Variants in FOXN3 observed in about 807,000 individuals in gnomAD.
The protein encoded by FOXN3 is forkhead box protein N3.
In FOXN3, 7 loss-of-function variants were observed where a neutral mutation model predicts 38.4. The observed-to-expected ratio is 0.18, with a 90% confidence interval of 0.10 to 0.34. The LOEUF is 0.34. Ranked by LOEUF, FOXN3 falls within the 10% of genes least tolerant of loss-of-function variation. FOXN3 has a pLI of 1.00. For missense variants in FOXN3, 456 were observed against 613.4 expected, an observed-to-expected ratio of 0.74 and a Z score of 2.71; for synonymous variants, 230 against 242.2, an observed-to-expected ratio of 0.95 and a Z score of 0.47.
At chr14:89,596,887 A>AT (rs1312090840) in intron 1 of FOXN3, among the ~76,000 whole-genome samples, 1 of 151,662 alleles carries the variant, frequency 6.6e-6, no homozygotes, top group Non-Finnish European at 1.5e-5. Context: ...TGTTGGTGCT[A>AT]TTTTTTCTTG....
At chr14:89,464,491 G>T (rs1189625421) in intron 1 of FOXN3, among the ~76,000 whole-genome samples, 1 of 152,156 alleles carries the variant, frequency 6.6e-6, no homozygotes, top group African/African-American at 2.4e-5. Context: ...CCTTTGCTGA[G>T]AAAGCTTCCT....
rs941342244 is a variant in FOXN3, at chr14:89,203,587, T to C, written c.746-22781A>G. Among the ~76,000 whole-genome samples the C allele has an allele frequency of 3.9e-5, 6 of 152,152 alleles. No homozygotes were observed. In the East Asian group the frequency reaches 1.2e-3, roughly 29 times the overall value. ...TGACCAGGCTGCCCCACTGGAGTCA[T>C]GCGCTGAGCGGGCAGAGTGTTTAAG... On this transcript the variant is annotated intron_variant, in intron 4 of 5. Coordinates refer to ENST00000557258, the MANE Select transcript of FOXN3 (RefSeq NM_005197.4).
chr14:89,227,968 G>A (rs1884694799), intron 4 of FOXN3, among the ~76,000 whole-genome samples: 1 of 152,120 alleles, frequency 6.6e-6, no homozygotes, highest in African/African-American at 2.4e-5. Context: ...TTGAACTCCG[G>A]GCCTCAAGCA....
At chr14:89,306,662 C>T (rs1001197386) in intron 3 of FOXN3, among the ~76,000 whole-genome samples, 7 of 152,170 alleles carry the variant, frequency 4.6e-5, no homozygotes, top group East Asian at 1.9e-4. Context: ...CCACCGCGCC[C>T]GGCCCATTTT....
rs556321543 is a variant in FOXN3 at position 89,288,452 on chromosome 14, T to A, written c.681-7438A>T. On this transcript the variant is annotated intron_variant, in intron 3 of 5. Coordinates refer to ENST00000557258, the MANE Select transcript of FOXN3 (RefSeq NM_005197.4). ...GGCAGCTGCTCTGGCACCATATCTA[T>A]CGAGCTATTTTATTTTACTTTTAAA... Among the ~76,000 whole-genome samples, 75 of 152,272 alleles carry A rather than the reference T, an allele frequency of 4.9e-4. 1 individual carries two copies. Among genetic ancestry groups the A allele is most frequent in the African/African-American group, 1.7e-3 (71 of 41,556 alleles).
intron 1 of FOXN3, among the ~76,000 whole-genome samples, chr14:89,438,967 C>T (rs938062027): frequency 6.6e-6 from 1 of 152,002 alleles, no homozygotes; most frequent in Non-Finnish European, 1.5e-5. Context: ...CCATGTTGGT[C>T]GGCTGGTTTC....
intron 1 of FOXN3, among the ~76,000 whole-genome samples, chr14:89,495,851 C>T (rs1417068700): frequency 6.6e-6 from 1 of 152,170 alleles, no homozygotes; most frequent in Non-Finnish European, 1.5e-5. Context: ...AGCAACTGGT[C>T]CTAGGCCACA....
intron 1 of FOXN3, among the ~76,000 whole-genome samples, chr14:89,547,030 C>G (rs1048816271): frequency 6.6e-6 from 1 of 151,756 alleles, no homozygotes; most frequent in Non-Finnish European, 1.5e-5. Flanking sequence ...AGCGATCCAC[C>G]CGCCGCAGCC....
At chr14:89,257,830 G>A (rs185690743) in intron 4 of FOXN3, among the ~76,000 whole-genome samples, 149 of 152,250 alleles carry the variant, frequency 9.8e-4, no homozygotes, top group African/African-American at 2.0e-3. Flanking sequence ...CTTGGTCCTC[G>A]ATGTCCCGTG....
chr14:89,228,285 A>G (rs1884702621), intron 4 of FOXN3, among the ~76,000 whole-genome samples: 1 of 152,218 alleles, frequency 6.6e-6, no homozygotes, highest in South Asian at 2.1e-4. Flanking sequence ...ATTTGATTTT[A>G]GGGATTTGTC....
intron 1 of FOXN3, among the ~76,000 whole-genome samples, chr14:89,582,590 T>C (rs11626777): frequency 0.51 from 75,896 of 150,202 alleles, 21,063 homozygotes; most frequent in Middle Eastern, 0.67. Context: ...CCCGGGTTCA[T>C]GCCATTCTCC....
chr14:89,404,065 A>T (rs2140090218), intron 2 of FOXN3, among the ~76,000 whole-genome samples: 1 of 152,278 alleles, frequency 6.6e-6, no homozygotes. Flanking sequence ...TTCTTTTAGC[A>T]CTTAGTAGGT....
At chr14:89,523,036 A>G (rs1211106343) in intron 1 of FOXN3, among the ~76,000 whole-genome samples, 2 of 152,162 alleles carry the variant, frequency 1.3e-5, no homozygotes, top group Non-Finnish European at 2.9e-5. Flanking sequence ...GAAATATCAC[A>G]CTAATATAAA....
Position 89,266,413 on chromosome 14 carries a change from G to A in FOXN3, c.745+14537C>T, listed in dbSNP as rs866753569. On this transcript the variant is annotated intron_variant, in intron 4 of 5. Coordinates refer to ENST00000557258, the MANE Select transcript of FOXN3 (RefSeq NM_005197.4). ...ATTTCATCTTAATTACCTCTTTAAC[G>A]GCTCTATCTCCAAATTCAGTCACAT... 5.5e-4 allele frequency among the ~76,000 whole-genome samples: 84 copies of A among 152,022 alleles called. 1 individual carries two copies. The highest frequency in any genetic ancestry group is 1.9e-3 in the African/African-American group (77 of 41,346).
chr14:89,382,603 G>A (rs1890679090), intron 2 of FOXN3, among the ~76,000 whole-genome samples: 1 of 152,168 alleles, frequency 6.6e-6, no homozygotes, highest in Non-Finnish European at 1.5e-5. Flanking sequence ...AAGCACGTGG[G>A]TTTGGGAATA....
intron 2 of FOXN3, among the ~76,000 whole-genome samples, chr14:89,376,859 C>T (rs1037976224): frequency 4.0e-5 from 6 of 151,226 alleles, no homozygotes; most frequent in Non-Finnish European, 8.9e-5. Context: ...ACTAAAAATA[C>T]AAAAATTAGG....
chr14:89,366,260 G>GAAA (rs57036897), intron 2 of FOXN3, among the ~76,000 whole-genome samples: 15 of 146,762 alleles, frequency 1.0e-4, no homozygotes, highest in African/African-American at 2.5e-4. Context: ...CTCAAAAAAA[G>GAAA]AAAAAAAAAA....
intron 4 of FOXN3, among the ~76,000 whole-genome samples, chr14:89,245,902 A>C (rs1885281548): frequency 6.6e-6 from 1 of 152,128 alleles, no homozygotes; most frequent in African/African-American, 2.4e-5. Flanking sequence ...CAGCCCTGTG[A>C]CACTTGCTGG....
At position 89,578,656 on chromosome 14, in the gene FOXN3, T is replaced by C. The variant is rs528282141; in HGVS notation, c.-15+40372A>G. On this transcript the variant is annotated intron_variant, in intron 1 of 6. Coordinates refer to the FOXN3 transcript ENST00000345097. ...TAAAATAATCCTCCATTCCTCCCTT[T>C]CTCTCACCCTCCCCTTCTAATCCGT... is the stretch of plus-strand genomic sequence containing the variant. 3.9e-5 allele frequency among the ~76,000 whole-genome samples: 6 copies of C among 152,158 alleles called. No homozygotes were observed. The South Asian group carries it at 8.3e-4, about 21-fold the overall frequency.
Sources: gnomAD v4.1 joint callset for allele counts (sites outside exome capture counted in the v4.1 genomes callset) on GRCh38, gnomAD v4.1.1 for gene constraint, MANE v1.5 for transcripts, NCBI Gene and HGNC (gene_info 2026-07-23, HGNC 2026-07-21) for gene names.